Variants in SDK1 observed in about 807,000 individuals in gnomAD.
The protein encoded by SDK1 is sidekick cell adhesion molecule 1, also known as protein sidekick-1.
SDK1 carries 157 observed loss-of-function variants against 245.5 expected under a neutral mutation model. The observed-to-expected ratio is 0.64, with a 90% CI of 0.56 to 0.73. The LOEUF (loss-of-function observed/expected upper bound fraction) is 0.73. Among genes scored for constraint, SDK1 ranks in the 30% least tolerant of loss-of-function variants. The probability of loss-of-function intolerance (pLI) is 0.00; values close to 1 mark genes in which losing one functional copy is unlikely to be tolerated. For synonymous variants in SDK1, 1,647 were observed against 1,278.5 expected (o/e 1.29, Z -6.15); for missense variants, 3,583 against 3,002.3 (o/e 1.19, Z -4.52).
Position 3,887,244 on chromosome 7 carries a change from C to A in SDK1, c.848-63679C>A, listed in dbSNP as rs146180328. ...TAGCCCTGGCAAATCACAAGGATGA[C>A]TGGAGACTTGTGCTTGGACCTTTCA... is the stretch of plus-strand genomic sequence containing the variant. On this transcript the variant is annotated intron_variant, in intron 5 of 44. Coordinates refer to ENST00000404826, the MANE Select transcript of SDK1 (RefSeq NM_152744.4). 4.8e-3 allele frequency among the ~76,000 whole-genome samples: 728 copies of A among 152,276 alleles called. 4 individuals are homozygous for A. The highest frequency in any genetic ancestry group is 0.017 in the African/African-American group (690 of 41,562).
chr7:3,713,005 C>T (rs1417326315), intron 4 of SDK1, among the ~76,000 whole-genome samples: 1 of 152,192 alleles, frequency 6.6e-6, no homozygotes, highest in Non-Finnish European at 1.5e-5. Context: ...TGGCCACAAG[C>T]TTGTCTTAAG....
intron 1 of SDK1, among the ~76,000 whole-genome samples, chr7:3,532,995 G>A (rs1489788202): frequency 6.6e-6 from 1 of 152,210 alleles, no homozygotes; most frequent in Non-Finnish European, 1.5e-5. Context: ...AACATGAACA[G>A]CTGAAGGGCA....
intron 35 of SDK1, among the ~76,000 whole-genome samples, chr7:4,199,061 C>T (rs1783743687): frequency 6.6e-6 from 1 of 152,158 alleles, no homozygotes; most frequent in Admixed American, 6.5e-5. Context: ...GTGATCCACC[C>T]TCCTCGGCCT....
chr7:4,175,187 G>C (rs950566976), intron 33 of SDK1, among the ~76,000 whole-genome samples: 1 of 152,214 alleles, frequency 6.6e-6, no homozygotes, highest in Non-Finnish European at 1.5e-5. Flanking sequence ...ACAGCGCCAG[G>C]CATGATGTTG....
chr7:3,745,729 C>T (rs1244418615), intron 4 of SDK1, among the ~76,000 whole-genome samples: 2 of 152,024 alleles, frequency 1.3e-5, no homozygotes, highest in African/African-American at 4.8e-5. Context: ...ACATTGTTTT[C>T]AAATGTCTAG....
Position 4,201,547 on chromosome 7 carries a change from A to T in SDK1, c.5099-4332A>T, listed in dbSNP as rs575280984. ...TCCATTAAAACCTTGCTTTACCCAA[A>T]CAGTCAGTCAATGGGCTACAGAAAC... On this transcript the variant is annotated intron_variant, in intron 35 of 44. Coordinates refer to ENST00000404826, the MANE Select transcript of SDK1 (RefSeq NM_152744.4). 4.6e-5 allele frequency among the ~76,000 whole-genome samples: 7 copies of T among 152,324 alleles called. No homozygotes were observed. In the East Asian group the frequency reaches 5.8e-4, roughly 13 times the overall value.
chr7:3,737,407 T>C (rs995764232), intron 4 of SDK1, among the ~76,000 whole-genome samples: 6 of 152,130 alleles, frequency 3.9e-5, no homozygotes, highest in African/African-American at 1.4e-4. Flanking sequence ...CTGGTCAGGG[T>C]CTCTGGCTGA....
chr7:3,318,133 G>A (rs1325161274), intron 1 of SDK1, among the ~76,000 whole-genome samples: 1 of 152,126 alleles, frequency 6.6e-6, no homozygotes, highest in Non-Finnish European at 1.5e-5. Context: ...TCTTAGCTTG[G>A]AGGCTAGTCC....
At chr7:3,848,733 G>C (rs147509030) in intron 5 of SDK1, among the ~76,000 whole-genome samples, 11 of 151,606 alleles carry the variant, frequency 7.3e-5, no homozygotes, top group African/African-American at 2.7e-4. Context: ...GTGCAGTGGC[G>C]CGATCACGGC....
chr7:3,909,439 C>T lies in SDK1; in HGVS notation c.848-41484C>T, dbSNP rs74969753. On this transcript the variant is annotated intron_variant, in intron 5 of 44. Transcript: ENST00000404826. ...TCTGCCCATCCTGAGGGACCTCCTC[C>T]GTCCTCCAGTTGTGGCCTCTGCTCA... Among the ~76,000 whole-genome samples the T allele has an allele frequency of 3.9e-3, 595 of 152,308 alleles. 3 individuals are homozygous for T. The highest frequency in any genetic ancestry group is 0.013 in the African/African-American group (553 of 41,560).
chr7:4,225,767 G>T (rs1315967625), intron 40 of SDK1, among the ~76,000 whole-genome samples: 1 of 152,176 alleles, frequency 6.6e-6, no homozygotes, highest in Non-Finnish European at 1.5e-5. Context: ...GTTGGGGCCA[G>T]TGTGTGGAAA....
chr7:3,326,621 A>C (rs1034110393), intron 1 of SDK1, among the ~76,000 whole-genome samples: 1 of 152,184 alleles, frequency 6.6e-6, no homozygotes, highest in Non-Finnish European at 1.5e-5. Flanking sequence ...CTGAGTCCTC[A>C]TTGCTACATC....
intron 2 of SDK1, among the ~76,000 whole-genome samples, chr7:3,620,190 C>T (rs539863224): frequency 3.3e-5 from 5 of 152,172 alleles, no homozygotes; most frequent in South Asian, 2.1e-4. Flanking sequence ...GGTTGTGATA[C>T]GGTGGTCCGT....
intron 1 of SDK1, among the ~76,000 whole-genome samples, chr7:3,508,049 TTGTC>T (rs1224055153): frequency 3.9e-5 from 6 of 152,192 alleles, no homozygotes; most frequent in Admixed American, 6.5e-5. Flanking sequence ...GGCTGTCCCT[TTGTC>T]TGTCTGGCTT....
At chr7:3,908,409 G>A (rs1180096852) in intron 5 of SDK1, among the ~76,000 whole-genome samples, 4 of 152,124 alleles carry the variant, frequency 2.6e-5, no homozygotes, top group African/African-American at 9.7e-5. Flanking sequence ...CGACAGCGTC[G>A]ACACATCCCT....
intron 1 of SDK1, among the ~76,000 whole-genome samples, chr7:3,361,697 A>G (rs139347618): frequency 1.3e-5 from 2 of 152,344 alleles, no homozygotes; most frequent in East Asian, 3.9e-4. Context: ...TGGCTTAGAA[A>G]TCACCTTTGG....
chr7:3,326,014 T>G (rs1264831405), intron 1 of SDK1, among the ~76,000 whole-genome samples: 5 of 152,206 alleles, frequency 3.3e-5, no homozygotes, highest in Admixed American at 2.6e-4. Flanking sequence ...TATACTTAGC[T>G]GTACCTATCT....
intron 1 of SDK1, among the ~76,000 whole-genome samples, chr7:3,581,241 G>C (rs1780478068): frequency 6.6e-6 from 1 of 152,046 alleles, no homozygotes; most frequent in Non-Finnish European, 1.5e-5. Flanking sequence ...GTGTCTATAA[G>C]GAACTTAAAT....
intron 5 of SDK1, among the ~76,000 whole-genome samples, chr7:3,927,576 C>T (rs555047666): frequency 2.6e-5 from 4 of 152,270 alleles, no homozygotes; most frequent in African/African-American, 7.2e-5. Flanking sequence ...GCGCTTCTCC[C>T]GTGACACTGT....
Sources: allele counts gnomAD v4.1 joint callset (sites outside exome capture counted in the v4.1 genomes callset), GRCh38; gene constraint gnomAD v4.1.1; transcripts MANE v1.5; gene names NCBI Gene and HGNC (gene_info 2026-07-23, HGNC 2026-07-21).